Variants in UNC13B observed in about 807,000 individuals in gnomAD.
UNC13B encodes unc-13 homolog B, also known as protein unc-13 homolog B.
A neutral mutation model predicts 211.0 loss-of-function variants in UNC13B; 144 were observed. That is an observed-to-expected ratio of 0.68 (90% CI 0.60 to 0.78). UNC13B has a LOEUF of 0.78. UNC13B is among the 30% of genes least tolerant of loss of function. The probability of loss-of-function intolerance (pLI) is 0.00; values close to 1 mark genes in which losing one functional copy is unlikely to be tolerated. For synonymous variants in UNC13B, 709 were observed against 725.8 expected, an observed-to-expected ratio of 0.98 and a Z score of 0.37; for missense variants, 1,777 against 2,002.0, an observed-to-expected ratio of 0.89 and a Z score of 2.14.
chr9:35,342,206 T>C (rs1832045044), intron 11 of UNC13B: 2 of 985,632 alleles, frequency 2.0e-6, no homozygotes, highest in African/African-American at 3.5e-5. Flanking sequence ...GTTCGTCCTG[T>C]GGCTTCTCTG....
chr9:35,245,741 A>G (rs1826057807), intron 6 of UNC13B, among the ~76,000 whole-genome samples: 1 of 151,940 alleles, frequency 6.6e-6, no homozygotes, highest in Non-Finnish European at 1.5e-5. Context: ...TTCTTAATCC[A>G]GTCTATCATT....
chr9:35,184,624 C>T (rs903797228), intron 1 of UNC13B, among the ~76,000 whole-genome samples: 5 of 152,042 alleles, frequency 3.3e-5, no homozygotes, highest in Admixed American at 2.0e-4. Flanking sequence ...AGGAGAACCA[C>T]GGGAGCCCGG....
intron 11 of UNC13B, among the ~76,000 whole-genome samples, chr9:35,346,220 G>C (rs1447611856): frequency 6.6e-6 from 1 of 152,082 alleles, no homozygotes. Flanking sequence ...TCCTCTGTTG[G>C]GGGCTCAGAG....
chr9:35,248,097 C>T (rs554391728), intron 6 of UNC13B, among the ~76,000 whole-genome samples: 69 of 152,242 alleles, frequency 4.5e-4, no homozygotes, highest in South Asian at 8.3e-4. Context: ...GTGTATGTGT[C>T]GAGGAATTTA....
At chr9:35,242,758 A>G (rs951166661) in intron 5 of UNC13B, among the ~76,000 whole-genome samples, 5 of 152,208 alleles carry the variant, frequency 3.3e-5, no homozygotes, top group Non-Finnish European at 5.9e-5. Flanking sequence ...GGGTGTGCAC[A>G]TATCTCTTTG....
chr9:35,240,309 A>G (rs1201613479), intron 5 of UNC13B, among the ~76,000 whole-genome samples: 3 of 152,072 alleles, frequency 2.0e-5, no homozygotes, highest in Non-Finnish European at 2.9e-5. Context: ...TGTTCATATT[A>G]TTGATATTTG....
chr9:35,389,274 T>C (rs1000441293), intron 24 of UNC13B, among the ~76,000 whole-genome samples: 4 of 152,188 alleles, frequency 2.6e-5, no homozygotes, highest in Non-Finnish European at 5.9e-5. Flanking sequence ...GTTAGGCAGA[T>C]AGCTTCCTAG....
chr9:35,297,906 T>G (rs1185981481), intron 8 of UNC13B, among the ~76,000 whole-genome samples: 1 of 152,044 alleles, frequency 6.6e-6, no homozygotes, highest in Non-Finnish European at 1.5e-5. Context: ...AAAAATTTGG[T>G]ATATGCCGTA....
intron 1 of UNC13B, among the ~76,000 whole-genome samples, chr9:35,191,477 A>G (rs979076482): frequency 2.6e-5 from 4 of 152,138 alleles, no homozygotes; most frequent in African/African-American, 7.2e-5. Flanking sequence ...CCTAAGATAT[A>G]CTTCCCTCTT....
In UNC13B at chr9:35,162,242, G is replaced by A. The variant is rs376872459; in HGVS notation, c.-42G>A. ...GCTGAGAGGAAAGAGGGAGCGGTCC[G>A]GCGCGGCTGGGGCGCGGCAGAGGCT... On this transcript the variant is annotated 5_prime_UTR_variant, in exon 1 of 40. Transcript: ENST00000635942. 6.5e-7 allele frequency: 1 copy of A among 1,542,230 alleles called. No individual in the cohort carries two copies. The highest frequency in any genetic ancestry group is 8.7e-7 in the Non-Finnish European group (1 of 1,146,812).
Position 35,347,862 on chromosome 9 carries a change from C to T in UNC13B, c.9415-19085C>T, listed in dbSNP as rs1461781363. Among the ~76,000 whole-genome samples the T allele has an allele frequency of 4.6e-5, 7 of 152,248 alleles. No homozygotes were observed. The South Asian group carries it at 1.5e-3, about 32-fold the overall frequency. ...AACCCAGTGGCTATGCCATTTGCCC[C>T]CTGTGTGGCTGGCCAGCCAGTGTCG... On this transcript the variant is annotated intron_variant, in intron 11 of 39. Transcript: ENST00000635942.
intron 11 of UNC13B, among the ~76,000 whole-genome samples, chr9:35,320,563 T>C (rs1830690327): frequency 6.6e-6 from 1 of 152,228 alleles, no homozygotes; most frequent in Non-Finnish European, 1.5e-5. Context: ...TTTCAAAAAT[T>C]CTCAGAGACT....
chr9:35,381,771 A>G, intron 20 of UNC13B, 52 bp downstream of exon 20: 6 of 1,593,624 alleles, frequency 3.8e-6, no homozygotes, highest in Non-Finnish European at 5.1e-6. Context: ...TGGGGTGGCT[A>G]ATTAAGGCAC....
In UNC13B at chr9:35,387,177, G is replaced by A. The variant is rs1835243797; in HGVS notation, c.11094+884G>A. On this transcript the variant is annotated intron_variant, in intron 24 of 39. Transcript: ENST00000635942. Reference sequence around the variant, plus strand: ...AGATTAAAGGAATTCCAAGGAGGAAGAGTCTTTTCGCACTCTTGATCAGAT... The same window carrying A: ...AGATTAAAGGAATTCCAAGGAGGAAAAGTCTTTTCGCACTCTTGATCAGAT... Among the ~76,000 whole-genome samples the A allele has an allele frequency of 2.0e-5, 3 of 152,200 alleles. No homozygotes were observed. The South Asian group carries it at 6.2e-4, about 32-fold the overall frequency.
chr9:35,231,067 G>A, intron 2 of UNC13B, 53 bp from the exon 3 acceptor site: 1 of 1,188,920 alleles, frequency 8.4e-7, no homozygotes. Flanking sequence ...TTTGTGAGAT[G>A]GGTAACAATC....
At chr9:35,258,621 G>T (rs1252975585) in intron 6 of UNC13B, among the ~76,000 whole-genome samples, 1 of 152,210 alleles carries the variant, frequency 6.6e-6, no homozygotes, top group Non-Finnish European at 1.5e-5. Flanking sequence ...TGCATCACCT[G>T]AATGGGGAAA....
At chr9:35,182,144 C>T (rs969923921) in intron 1 of UNC13B, among the ~76,000 whole-genome samples, 4 of 152,172 alleles carry the variant, frequency 2.6e-5, no homozygotes, top group Admixed American at 6.5e-5. Context: ...TCAGTAACTC[C>T]AATATCTGTG....
At chr9:35,318,313 A>T (rs1489699357) in intron 11 of UNC13B, among the ~76,000 whole-genome samples, 1 of 152,210 alleles carries the variant, frequency 6.6e-6, no homozygotes, top group Non-Finnish European at 1.5e-5. Flanking sequence ...TGTACTTAAG[A>T]TGAGATTTAG....
At chr9:35,188,884 A>G (rs961839683) in intron 1 of UNC13B, among the ~76,000 whole-genome samples, 2 of 152,190 alleles carry the variant, frequency 1.3e-5, no homozygotes, top group African/African-American at 4.8e-5. Flanking sequence ...ATTTTAACCA[A>G]TTTGACCATG....
Sources: gnomAD v4.1 joint callset for allele counts (sites outside exome capture counted in the v4.1 genomes callset) on GRCh38, gnomAD v4.1.1 for gene constraint, MANE v1.5 for transcripts, NCBI Gene and HGNC (gene_info 2026-07-23, HGNC 2026-07-21) for gene names.